ALDH8A1: variants seen among roughly 807,000 people sequenced by gnomAD.
ALDH8A1 encodes the protein 2-aminomuconic semialdehyde dehydrogenase.
In ALDH8A1, 39 loss-of-function variants were observed where a neutral mutation model predicts 43.3. That is an observed-to-expected ratio of 0.90 (90% CI 0.70 to 1.18). The LOEUF (loss-of-function observed/expected upper bound fraction) is 1.18. Ranked by LOEUF, ALDH8A1 falls within the 50% of genes most tolerant of loss-of-function variation. The probability of loss-of-function intolerance (pLI) is 0.00; values close to 1 mark genes in which losing one functional copy is unlikely to be tolerated. For synonymous variants in ALDH8A1, 233 were observed against 243.5 expected (o/e 0.96, Z 0.40); for missense variants, 605 against 622.6 (o/e 0.97, Z 0.30).
intron 1 of ALDH8A1, among the ~76,000 whole-genome samples, chr6:134,946,910 T>A (rs1400875636): frequency 6.6e-6 from 1 of 152,208 alleles, no homozygotes; most frequent in African/African-American, 2.4e-5. Flanking sequence ...TTCTAAGTTG[T>A]TACAACTCGC....
chr6:134,937,777 A>C (rs1773771294), intron 4 of ALDH8A1, among the ~76,000 whole-genome samples: 1 of 152,172 alleles, frequency 6.6e-6, no homozygotes, highest in African/African-American at 2.4e-5. Context: ...CTCATTTTAC[A>C]AAGAATGGGA....
At chr6:134,936,478 C>A (rs1365268317) in intron 4 of ALDH8A1, among the ~76,000 whole-genome samples, 2 of 152,132 alleles carry the variant, frequency 1.3e-5, no homozygotes, top group African/African-American at 2.4e-5. Context: ...TGGGTAGGGC[C>A]CCACATCTCC....
At chr6:134,937,763 A>C (rs1773771108) in intron 4 of ALDH8A1, among the ~76,000 whole-genome samples, 1 of 152,218 alleles carries the variant, frequency 6.6e-6, no homozygotes, top group Non-Finnish European at 1.5e-5. Flanking sequence ...CAGACACCAC[A>C]GACCTCATTT....
chr6:134,937,753 C>G (rs1320227409), intron 4 of ALDH8A1, among the ~76,000 whole-genome samples: 2 of 152,162 alleles, frequency 1.3e-5, no homozygotes. Context: ...CGCGCCTTTG[C>G]AGACACCACA....
rs1776745223 is a variant in ALDH8A1, at chr6:134,918,543, T to G, written c.1336A>C (p.Asn446His). 2 of 1,614,122 alleles carry G rather than the reference T, an allele frequency of 1.2e-6. No homozygotes were observed. Among genetic ancestry groups the G allele is most frequent in the South Asian group, 2.2e-5 (2 of 91,088 alleles). Residue 446 changes from asparagine to histidine, a missense_variant, in exon 7 of 7, where the codon AAC becomes CAC. By Grantham distance (68) the Asn-to-His change is moderately conservative. Transcript: ENST00000265605. ...TTCAGCTCCCTGATGAGCCAGCAGT[T>G]GGTCCAGACCAAGCCAGACTGCAGC... The part of the protein sequence containing the change: ...KKLQSGLVWT[N>H]CWLIRELNLP...
intron 5 of ALDH8A1, 145 bp downstream of exon 5, chr6:134,932,631 T>C (rs1444666131): frequency 8.5e-7 from 1 of 1,181,956 alleles, no homozygotes; most frequent in Non-Finnish European, 1.2e-6. Context: ...AGCAGAGAGT[T>C]AAGGGAATCA....
At chr6:134,948,962 G>C (rs1322091574) in intron 1 of ALDH8A1, among the ~76,000 whole-genome samples, 1 of 152,046 alleles carries the variant, frequency 6.6e-6, no homozygotes, top group Non-Finnish European at 1.5e-5. Context: ...TTTAACCAAT[G>C]CATTAACCAA....
chr6:134,923,429 A>G (rs555522587), intron 6 of ALDH8A1, among the ~76,000 whole-genome samples: 1 of 152,258 alleles, frequency 6.6e-6, no homozygotes, highest in South Asian at 2.1e-4. Flanking sequence ...TTAAAAGATA[A>G]ATTTGAGTTT....
At chr6:134,936,856 G>C (rs1773751269) in intron 4 of ALDH8A1, among the ~76,000 whole-genome samples, 1 of 152,184 alleles carries the variant, frequency 6.6e-6, no homozygotes, top group African/African-American at 2.4e-5. Flanking sequence ...CTGGTGATAA[G>C]AGAAGGAAAG....
At chr6:134,927,311 AAG>A (rs1266241179) in intron 6 of ALDH8A1, among the ~76,000 whole-genome samples, 2,107 of 149,426 alleles carry the variant, frequency 0.014, 58 homozygotes, top group African/African-American at 0.05. Flanking sequence ...AAAAAGAAAG[AAG>A]AAGAAGAAGA....
intron 1 of ALDH8A1, among the ~76,000 whole-genome samples, chr6:134,949,673 T>C (rs755568341): frequency 2.0e-5 from 3 of 152,098 alleles, no homozygotes; most frequent in African/African-American, 4.8e-5. Context: ...AAAAAAAAAC[T>C]GCACACAGGG....
At chr6:134,940,383 C>T (rs1436183216) in intron 3 of ALDH8A1, among the ~76,000 whole-genome samples, 1 of 152,106 alleles carries the variant, frequency 6.6e-6, no homozygotes, top group African/African-American at 2.4e-5. Context: ...TAACATGTTT[C>T]TTTACCTTTA....
Position 134,918,300 on chromosome 6 carries a change from C to A in ALDH8A1, c.*115G>T, listed in dbSNP as rs894506176. 43 of 978,864 alleles carry A rather than the reference C, an allele frequency of 4.4e-5. No individual in the cohort carries two copies. The highest frequency in any genetic ancestry group is 6.1e-5 in the Non-Finnish European group (40 of 658,770). The allele number at this position is 978,864 out of a possible 1,614,324, so 60.6% of individuals were successfully genotyped here. A position where few individuals can be genotyped will look rare whatever the true frequency, so the allele number is the denominator to read the frequency against. On this transcript the variant is annotated 3_prime_UTR_variant, in exon 7 of 7. Transcript: ENST00000265605. ...AGAACTGAGGATAAGCTAGAGATAA[C>A]CTTCTGCCAAGTCAAGGCATAGCTG...
intron 4 of ALDH8A1, among the ~76,000 whole-genome samples, chr6:134,935,846 T>C (rs959415675): frequency 6.6e-6 from 1 of 152,200 alleles, no homozygotes; most frequent in Non-Finnish European, 1.5e-5. Flanking sequence ...GCCACAGCCT[T>C]GGCCCAATCA....
At position 134,943,100 on chromosome 6, in the gene ALDH8A1, G is replaced by T. The variant is rs181386336; in HGVS notation, c.287-536C>A. Among the ~76,000 whole-genome samples the T allele has an allele frequency of 3.3e-3, 498 of 152,308 alleles. 1 individual carries two copies. The highest frequency in any genetic ancestry group is 0.012 in the African/African-American group (483 of 41,560). The stretch of plus-strand genomic sequence containing the variant: ...CATGCCCTGCACGTCCTAGCTCCTG[G>T]ATGGAACAGAAAGAGAAACAGAAGC... On this transcript the variant is annotated intron_variant, in intron 2 of 6. Transcript: ENST00000265605.
intron 4 of ALDH8A1, among the ~76,000 whole-genome samples, chr6:134,935,695 G>A (rs1178835665): frequency 2.6e-5 from 4 of 152,068 alleles, no homozygotes. Flanking sequence ...CTTTGCTCCA[G>A]GTTAGACAAT....
intron 3 of ALDH8A1, among the ~76,000 whole-genome samples, chr6:134,941,107 GAAGT>G (rs1384886016): frequency 1.3e-5 from 2 of 152,222 alleles, no homozygotes; most frequent in Non-Finnish European, 2.9e-5. Context: ...AGGAATGCAT[GAAGT>G]AAGATAATTC....
Position 134,932,860 on chromosome 6 carries a change from C to G in ALDH8A1, c.765G>C (p.Gly255=). The change falls in exon 5 of 7, where the codon GGG becomes GGC. Residue 255 remains glycine, a synonymous_variant. Transcript: ENST00000265605. The part of the protein sequence containing the change: ...PHCKKLSLEL[G]GKNPAIIFED... Reference sequence around the variant, plus strand: ...CAAAGATGATGGCAGGATTCTTGCCCCCCAGCTCCAGGGAGAGCTTTTTGC... The same window carrying G: ...CAAAGATGATGGCAGGATTCTTGCCGCCCAGCTCCAGGGAGAGCTTTTTGC... 1 of 1,614,190 alleles carries G rather than the reference C, an allele frequency of 6.2e-7. No individual in the cohort carries two copies. Among genetic ancestry groups the G allele is most frequent in the Non-Finnish European group, 8.5e-7 (1 of 1,180,032 alleles).
At position 134,929,054 on chromosome 6, in the gene ALDH8A1, T is replaced by G. The variant is rs370245282; in HGVS notation, c.1011A>C (p.Lys337Asn). The change falls in exon 6 of 7, where the codon AAA becomes AAC. Residue 337 changes from lysine to asparagine, a missense_variant and splice_region_variant. Transcript: ENST00000265605. ...GALISKAHLE[K>N]VRSYVKRALA... ...ACTTACATGGCAGAAATTTACTTAC[T>G]TTCTCCAAATGTGCTTTACTTATCA... is the stretch of plus-strand genomic sequence containing the variant. 36 of 1,612,408 alleles carry G rather than the reference T, an allele frequency of 2.2e-5. No homozygotes were observed. The highest frequency in any genetic ancestry group is 2.7e-5 in the Non-Finnish European group (32 of 1,179,590).
Sources: gnomAD v4.1 joint callset for allele counts (sites outside exome capture counted in the v4.1 genomes callset) on GRCh38, gnomAD v4.1.1 for gene constraint, MANE v1.5 for transcripts, NCBI Gene and HGNC (gene_info 2026-07-23, HGNC 2026-07-21) for gene names.